AMBRA1: variants seen among roughly 807,000 people sequenced by gnomAD.
The protein encoded by AMBRA1 is activating molecule in BECN1-regulated autophagy protein 1.
In AMBRA1, 47 loss-of-function variants were observed where a neutral mutation model predicts 125.4. The observed-to-expected ratio is 0.37, with a 90% CI of 0.30 to 0.48. AMBRA1 has a LOEUF of 0.48. Among genes scored for constraint, AMBRA1 ranks in the 20% least tolerant of loss-of-function variants. The pLI is 0.99. For synonymous variants in AMBRA1, 626 were observed against 655.5 expected, an observed-to-expected ratio of 0.95 and a Z score of 0.69; for missense variants, 1,331 against 1,693.4, an observed-to-expected ratio of 0.79 and a Z score of 3.76.
Position 46,542,326 on chromosome 11 carries a change from T to C in AMBRA1, c.1691A>G (p.His564Arg). Residue 564 changes from histidine to arginine, a missense_variant, in exon 7 of 18, where the codon CAC (histidine) becomes CGC (arginine). Physicochemically the swap from His to Arg is conservative, Grantham distance 29 (BLOSUM62 0). Coordinates refer to ENST00000683756, the MANE Select transcript of AMBRA1 (RefSeq NM_001387011.1). This position sits in a 1 kb window ranked among gnomAD's most constrained non-coding sequence, Gnocchi z 5.9. ...SENNSNLSRG[H>R]LNRCRACHNL... is the part of the protein sequence containing the mutation. ...GTGGCAAGCACGACAGCGATTCAGG[T>C]GGCCACGGGACAGGTTGGAGTTGTT... The C allele has an allele frequency of 6.2e-7, 1 of 1,614,066 alleles. No homozygotes were observed. Among genetic ancestry groups the C allele is most frequent in the Non-Finnish European group, 8.5e-7 (1 of 1,180,018 alleles).
chr11:46,452,392 G>A (rs61882710), intron 11 of AMBRA1, among the ~76,000 whole-genome samples: 21,336 of 151,730 alleles, frequency 0.14, 1,563 homozygotes, highest in Non-Finnish European at 0.17. Context: ...TATGTTGCCC[G>A]GCTTGCCTTG....
intron 1 of AMBRA1, among the ~76,000 whole-genome samples, chr11:46,560,899 C>T (rs764277390): frequency 2.2e-4 from 34 of 152,146 alleles, no homozygotes; most frequent in Non-Finnish European, 4.1e-4. Flanking sequence ...TCAAACAGAC[C>T]TAATGACTTT....
At chr11:46,513,652 A>C (rs187744795) in intron 7 of AMBRA1, among the ~76,000 whole-genome samples, 132 of 152,302 alleles carry the variant, frequency 8.7e-4, no homozygotes, top group African/African-American at 3.0e-3. Flanking sequence ...AAATGCCTCA[A>C]ATCTCTATTT....
intron 14 of AMBRA1, among the ~76,000 whole-genome samples, chr11:46,422,409 A>G (rs1946888075): frequency 6.6e-6 from 1 of 152,196 alleles, no homozygotes; most frequent in African/African-American, 2.4e-5. Flanking sequence ...TTGTGGTTCT[A>G]AGAGAGTAGA....
chr11:46,422,693 T>A (rs1382132107), intron 14 of AMBRA1, among the ~76,000 whole-genome samples: 1 of 151,848 alleles, frequency 6.6e-6, no homozygotes, highest in East Asian at 1.9e-4. Flanking sequence ...CCCTACTGCA[T>A]GCCAATAAAA....
Position 46,545,649 on chromosome 11 carries a change from TC to T in AMBRA1, c.505del (p.Glu169AsnfsTer6). 6.2e-7 allele frequency: 1 copy of T among 1,614,118 alleles called. No individual in the cohort carries two copies. The highest frequency in any genetic ancestry group is 8.5e-7 in the Non-Finnish European group (1 of 1,180,000). ...AGCTGTCTTCACCACAGCAAAGGGT[TC>T]CCGTCGACTCCAGTCCCAGAAGTGG... ...EIHFWDWSRR[E>X]PFAVVKTASE... On this transcript the variant is annotated frameshift_variant, in exon 5 of 18. Coordinates refer to ENST00000683756, the MANE Select transcript of AMBRA1 (RefSeq NM_001387011.1). LOFTEE classifies it high-confidence loss of function.
Position 46,398,021 on chromosome 11 carries a change from G to C in AMBRA1, c.3404-78C>G, listed in dbSNP as rs992274341. 3 of 1,498,146 alleles carry C rather than the reference G, an allele frequency of 2.0e-6. No homozygotes were observed. The South Asian group carries it at 3.9e-5, about 20-fold the overall frequency. 92.8% of individuals were successfully genotyped at this position (1,498,146 alleles called of 1,614,324 possible). A position where few individuals can be genotyped will look rare whatever the true frequency, so the allele number is the denominator to read the frequency against. ...TGAGGCAGGTGGGCAGCCACCGGTAGCAGCTGGGGGATTCTTGACTAAACG... is the reference window on the plus strand; with the variant it reads ...TGAGGCAGGTGGGCAGCCACCGGTACCAGCTGGGGGATTCTTGACTAAACG... On this transcript the variant is annotated intron_variant, in intron 17 of 17. Coordinates refer to ENST00000683756, the MANE Select transcript of AMBRA1 (RefSeq NM_001387011.1).
intron 2 of AMBRA1, 104 bp from the exon 3 acceptor site, chr11:46,547,979 T>C (rs529070738): frequency 1.3e-5 from 18 of 1,367,422 alleles, no homozygotes; most frequent in Non-Finnish European, 1.8e-5. Flanking sequence ...ATTCACAGTG[T>C]AGGCTTAAAA....
intron 1 of AMBRA1, among the ~76,000 whole-genome samples, chr11:46,559,987 CA>C (rs1183984733): frequency 2.6e-5 from 4 of 152,118 alleles, no homozygotes; most frequent in Non-Finnish European, 5.9e-5. Flanking sequence ...ATGTGATAAA[CA>C]GAAGTTCACA....
intron 1 of AMBRA1, among the ~76,000 whole-genome samples, chr11:46,588,121 T>C (rs541394807): frequency 5.6e-4 from 86 of 152,278 alleles, no homozygotes; most frequent in African/African-American, 1.9e-3. Flanking sequence ...TGACTTGAGG[T>C]CAGGGGTTCA....
At chr11:46,589,949 A>T (rs1264723680) in intron 1 of AMBRA1, among the ~76,000 whole-genome samples, 2 of 152,092 alleles carry the variant, frequency 1.3e-5, no homozygotes, top group Admixed American at 1.3e-4. Flanking sequence ...AACAGACAAC[A>T]TTCACCAATA....
At chr11:46,453,943 T>C (rs1182408416) in intron 11 of AMBRA1, among the ~76,000 whole-genome samples, 2 of 152,222 alleles carry the variant, frequency 1.3e-5, no homozygotes, top group African/African-American at 4.8e-5. Context: ...CGTGTCTTAT[T>C]TGTAGGAATT....
At chr11:46,584,237 A>G (rs2044285719) in intron 1 of AMBRA1, among the ~76,000 whole-genome samples, 1 of 148,246 alleles carries the variant, frequency 6.7e-6, no homozygotes, top group Non-Finnish European at 1.5e-5. Flanking sequence ...CATGGATGAA[A>G]TTGGAAATCA....
intron 8 of AMBRA1, 26 bp from the exon 9 acceptor site, chr11:46,508,396 A>G (rs1393471478): frequency 6.2e-7 from 1 of 1,606,074 alleles, no homozygotes; most frequent in African/African-American, 1.3e-5. Flanking sequence ...ATGGACAAAC[A>G]CAAACTAGCA....
intron 14 of AMBRA1, among the ~76,000 whole-genome samples, chr11:46,427,987 C>T (rs566194328): frequency 4.1e-5 from 5 of 121,488 alleles, no homozygotes; most frequent in Admixed American, 1.1e-4. Context: ...CCTGCCTGGG[C>T]GACAGAGGGA....
Position 46,506,236 on chromosome 11 carries a change from T to A in AMBRA1, c.2339+1955A>T, listed in dbSNP as rs532501128. 3.9e-4 allele frequency among the ~76,000 whole-genome samples: 59 copies of A among 152,324 alleles called. 1 individual carries two copies. The South Asian group carries it at 0.012, about 30-fold the overall frequency. Reference sequence around the variant, plus strand: ...AACAAGCTGACAGTCAGAAGGTAGCTCTGCTCTTCTCCTGCAGTTGACAAG... The same window carrying A: ...AACAAGCTGACAGTCAGAAGGTAGCACTGCTCTTCTCCTGCAGTTGACAAG... On this transcript the variant is annotated intron_variant, in intron 9 of 17. Coordinates refer to ENST00000683756, the MANE Select transcript of AMBRA1 (RefSeq NM_001387011.1).
intron 15 of AMBRA1, among the ~76,000 whole-genome samples, chr11:46,415,367 G>T (rs566223513): frequency 6.6e-6 from 1 of 152,212 alleles, no homozygotes; most frequent in Non-Finnish European, 1.5e-5. Flanking sequence ...AGTTACAAAA[G>T]TATGTGTGTG....
chr11:46,482,789 T>C lies in AMBRA1; in HGVS notation c.2521+10819A>G, dbSNP rs1218805080. Reference sequence around the variant, plus strand: ...ACTTTGGGGTGCCGAGGCAGGCAGATCATAAGGTCAGGAGTTTGAAACCAG... The same window carrying C: ...ACTTTGGGGTGCCGAGGCAGGCAGACCATAAGGTCAGGAGTTTGAAACCAG... On this transcript the variant is annotated intron_variant, in intron 11 of 17. Coordinates refer to ENST00000683756, the MANE Select transcript of AMBRA1 (RefSeq NM_001387011.1). Among the ~76,000 whole-genome samples the C allele has an allele frequency of 3.9e-5, 6 of 152,024 alleles. No homozygotes were observed. In the East Asian group the frequency reaches 1.2e-3, roughly 29 times the overall value.
intron 11 of AMBRA1, among the ~76,000 whole-genome samples, chr11:46,493,295 G>A (rs998748405): frequency 2.0e-5 from 3 of 151,882 alleles, no homozygotes; most frequent in Non-Finnish European, 2.9e-5. Context: ...ACATAAACAC[G>A]GCACCTTTAT....
Sources: allele counts gnomAD v4.1 joint callset (sites outside exome capture counted in the v4.1 genomes callset), GRCh38; gene constraint gnomAD v4.1.1; non-coding constraint Gnocchi (gnomAD v3.1); transcripts MANE v1.5; gene names NCBI Gene and HGNC (gene_info 2026-07-23, HGNC 2026-07-21).